WDR72: variants seen among roughly 807,000 people sequenced by gnomAD.
WDR72 encodes WD repeat domain 72, also known as WD repeat-containing protein 72.
Under a neutral mutation model 124.2 loss-of-function variants are expected in WDR72, and 120 were observed. The observed-to-expected ratio is 0.97, with a 90% CI of 0.83 to 1.12. The LOEUF is 1.12. WDR72 is among the 50% of genes most tolerant of loss of function. The pLI is 0.00. For missense variants in WDR72, 1,387 were observed against 1,278.8 expected, an observed-to-expected ratio of 1.08 and a Z score of -1.29; for synonymous variants, 452 against 441.7, an observed-to-expected ratio of 1.02 and a Z score of -0.29.
chr15:53,716,227 T>A (rs2017701537), intron 4 of WDR72, among the ~76,000 whole-genome samples: 1 of 152,098 alleles, frequency 6.6e-6, no homozygotes, highest in Non-Finnish European at 1.5e-5. Context: ...CACCAAAACA[T>A]AGGGTTTAAA....
At chr15:53,584,261 C>A (rs934025292) in intron 18 of WDR72, among the ~76,000 whole-genome samples, 4 of 151,722 alleles carry the variant, frequency 2.6e-5, no homozygotes, top group African/African-American at 7.3e-5. Flanking sequence ...AGATAATGAC[C>A]AACCATAAAG....
At chr15:53,702,049 T>G in intron 12 of WDR72, 85 bp downstream of exon 12, 3 of 983,340 alleles carry the variant, frequency 3.1e-6, no homozygotes, top group Non-Finnish European at 3.0e-6. Flanking sequence ...TTTGGAAATA[T>G]GGGTCATTTT....
At chr15:53,728,531 T>A (rs513117) in intron 2 of WDR72, among the ~76,000 whole-genome samples, 9,412 of 152,186 alleles carry the variant, frequency 0.062, 997 homozygotes, top group African/African-American at 0.22. Flanking sequence ...AGTATCACAG[T>A]GTTGGTAAAT....
chr15:53,657,823 T>C (rs1329221714), intron 14 of WDR72, among the ~76,000 whole-genome samples: 1 of 152,178 alleles, frequency 6.6e-6, no homozygotes, highest in Non-Finnish European at 1.5e-5. Flanking sequence ...TATCAGCAAT[T>C]ATAAAAACAA....
chr15:53,683,485 A>C (rs978574390), intron 13 of WDR72, among the ~76,000 whole-genome samples: 2 of 152,120 alleles, frequency 1.3e-5, no homozygotes, highest in Non-Finnish European at 2.9e-5. Flanking sequence ...TCCATACAAA[A>C]TTTTTTAAAA....
At chr15:53,583,447 A>G (rs960531945) in intron 18 of WDR72, among the ~76,000 whole-genome samples, 2 of 152,026 alleles carry the variant, frequency 1.3e-5, no homozygotes, top group African/African-American at 4.8e-5. Flanking sequence ...AAAACTTGAA[A>G]TATGAAGTCC....
At chr15:53,674,340 C>A (rs560473100) in intron 13 of WDR72, among the ~76,000 whole-genome samples, 1 of 152,260 alleles carries the variant, frequency 6.6e-6, no homozygotes, top group South Asian at 2.1e-4. Context: ...AAAATTTGAC[C>A]ATTGGGTCTG....
intron 18 of WDR72, among the ~76,000 whole-genome samples, chr15:53,574,663 TTGAAA>T (rs1198043899): frequency 6.6e-6 from 1 of 152,196 alleles, no homozygotes; most frequent in Non-Finnish European, 1.5e-5. Flanking sequence ...CTTATGTTTC[TTGAAA>T]TAATTTTTTT....
At chr15:53,544,919 C>G (rs1893365745) in intron 18 of WDR72, among the ~76,000 whole-genome samples, 1 of 149,460 alleles carries the variant, frequency 6.7e-6, no homozygotes, top group African/African-American at 2.5e-5. Flanking sequence ...ACAATTGCTT[C>G]AAAGAGAATA....
intron 13 of WDR72, among the ~76,000 whole-genome samples, chr15:53,688,729 A>G (rs1390596436): frequency 6.6e-6 from 1 of 152,014 alleles, no homozygotes; most frequent in East Asian, 1.9e-4. Context: ...AAGTTCATAT[A>G]GAACCAAAAA....
At chr15:53,651,973 T>C (rs923063096) in intron 14 of WDR72, 1 of 152,178 alleles carries the variant, frequency 6.6e-6, no homozygotes, top group African/African-American at 2.4e-5. Context: ...TTATAAATTG[T>C]TTAATCACTT....
In WDR72 at chr15:53,515,273, A is replaced by G. The variant is rs751137881; in HGVS notation, c.*2426T>C. On this transcript the variant is annotated 3_prime_UTR_variant, in exon 20 of 20. Coordinates refer to ENST00000360509, the MANE Select transcript of WDR72 (RefSeq NM_182758.4). Reference sequence around the variant, plus strand: ...GGCCTAGACGTACAAAAGGACACCCATATCTCATCAGGAGAAAGACAATTT... The same window carrying G: ...GGCCTAGACGTACAAAAGGACACCCGTATCTCATCAGGAGAAAGACAATTT... 7 of 152,034 alleles carry G rather than the reference A, an allele frequency of 4.6e-5. No homozygotes were observed. The highest frequency in any genetic ancestry group is 2.1e-4 in the South Asian group (1 of 4,818). The allele number at this position is 152,034 out of a possible 1,614,324, so 9.4% of individuals were successfully genotyped here.
At position 53,710,934 on chromosome 15, in the gene WDR72, A is replaced by G. The variant is rs12905661; in HGVS notation, c.877T>C (p.Tyr293His). ...TTAAGCACTCTTCCATCAGCAGGGTATATGCTTTTTGAAAGCCCACTGCGT... is the reference window on the plus strand; with the variant it reads ...TTAAGCACTCTTCCATCAGCAGGGTGTATGCTTTTTGAAAGCCCACTGCGT... ...LLNSGLSKSI[Y>H]PADGRVLKET... Residue 293 changes from tyrosine to histidine, a missense_variant, in exon 9 of 20, where the codon TAC becomes CAC. Tyr to His is a moderately conservative substitution (Grantham distance 83). Coordinates refer to ENST00000360509, the MANE Select transcript of WDR72 (RefSeq NM_182758.4). The G allele has an allele frequency of 6.2e-7, 1 of 1,613,718 alleles. No individual in the cohort carries two copies. Among genetic ancestry groups the G allele is most frequent in the Non-Finnish European group, 8.5e-7 (1 of 1,179,858 alleles).
At chr15:53,717,484 T>C (rs1310086760) in intron 3 of WDR72, among the ~76,000 whole-genome samples, 1 of 152,218 alleles carries the variant, frequency 6.6e-6, no homozygotes, top group African/African-American at 2.4e-5. Flanking sequence ...TGTCAACAAC[T>C]GTATGCATTT....
At position 53,652,696 on chromosome 15, in the gene WDR72, A is replaced by T. The variant is rs146881329; in HGVS notation, c.1962+12876T>A. The stretch of plus-strand genomic sequence containing the variant: ...GGCTATTTTTGAGTGCTTATTTTAG[A>T]CAACTTTGTTATTAGAAAAAGAAGT... On this transcript the variant is annotated intron_variant, in intron 14 of 19. Coordinates refer to ENST00000360509, the MANE Select transcript of WDR72 (RefSeq NM_182758.4). Among the ~76,000 whole-genome samples the T allele has an allele frequency of 1.7e-3, 258 of 152,284 alleles. 2 individuals carry two copies. Among genetic ancestry groups the T allele is most frequent in the East Asian group, 0.011 (59 of 5,182 alleles).
chr15:53,542,989 T>C (rs1466975730), intron 18 of WDR72, among the ~76,000 whole-genome samples: 1 of 151,986 alleles, frequency 6.6e-6, no homozygotes, highest in Admixed American at 6.5e-5. Flanking sequence ...CCCAGATTCG[T>C]AAAGCAAGTC....
At chr15:53,705,520 T>C (rs2017326574) in intron 10 of WDR72, among the ~76,000 whole-genome samples, 1 of 152,146 alleles carries the variant, frequency 6.6e-6, no homozygotes, top group Non-Finnish European at 1.5e-5. Context: ...TGGAGTGCAG[T>C]GGCATGATCT....
chr15:53,682,163 G>A (rs989661628), intron 13 of WDR72, among the ~76,000 whole-genome samples: 2 of 152,122 alleles, frequency 1.3e-5, no homozygotes, highest in African/African-American at 4.8e-5. Context: ...ACCACTTCAT[G>A]CAGACCATTT....
intron 18 of WDR72, among the ~76,000 whole-genome samples, chr15:53,588,345 A>AAAT (rs2012327106): frequency 6.6e-6 from 1 of 152,072 alleles, no homozygotes; most frequent in African/African-American, 2.4e-5. Flanking sequence ...AAAGGCAAAT[A>AAAT]AATAAGCAAT....
Sources: allele counts gnomAD v4.1 joint callset (sites outside exome capture counted in the v4.1 genomes callset), GRCh38; gene constraint gnomAD v4.1.1; transcripts MANE v1.5; gene names NCBI Gene and HGNC (gene_info 2026-07-23, HGNC 2026-07-21).